Variants in PTPRD observed in about 807,000 individuals in gnomAD.
PTPRD encodes the protein protein tyrosine phosphatase receptor type D, also known as receptor-type tyrosine-protein phosphatase delta.
Under a neutral mutation model 214.5 loss-of-function variants are expected in PTPRD, and 34 were observed. That is an observed-to-expected ratio of 0.16 (90% confidence interval 0.12 to 0.21). The LOEUF (loss-of-function observed/expected upper bound fraction) is 0.21. Among genes scored for constraint, PTPRD ranks in the 10% least tolerant of loss-of-function variants. The pLI is 1.00. For missense variants in PTPRD, 2,545 were observed against 2,398.7 expected (o/e 1.06, Z -1.27); for synonymous variants, 1,128 against 845.7 (o/e 1.33, Z -5.79).
intron 12 of PTPRD, among the ~76,000 whole-genome samples, chr9:8,704,740 A>C (rs1413261910): frequency 6.6e-6 from 1 of 150,924 alleles, no homozygotes; most frequent in African/African-American, 2.4e-5. Flanking sequence ...CAGTCTGGCC[A>C]AATCTCTACT....
rs1250582751 is a variant in PTPRD, at chr9:8,726,589, ATATATATATATAT to A, written c.64+7178_64+7190del. ...TCTACTAAAAAAAAAAAAAAAAAAA[ATATATATATATAT>A]ATATATATATATATATATATATATA... On this transcript the variant is annotated intron_variant, in intron 12 of 45. Coordinates refer to ENST00000381196, the MANE Select transcript of PTPRD (RefSeq NM_002839.4). Among the ~76,000 whole-genome samples, 14 of 12,916 alleles carry A rather than the reference ATATATATATATAT, an allele frequency of 1.1e-3. 3 individuals carry two copies. The highest frequency in any genetic ancestry group is 3.9e-3 in the African/African-American group (10 of 2,554). The allele number at this position is 12,916 out of a possible 152,430, so 8.5% of individuals were successfully genotyped here.
At chr9:8,901,722 G>C (rs567786631) in intron 11 of PTPRD, among the ~76,000 whole-genome samples, 1 of 152,280 alleles carries the variant, frequency 6.6e-6, no homozygotes, top group East Asian at 1.9e-4. Context: ...TACTTGAAAT[G>C]AGTGTAATTG....
Position 10,060,896 on chromosome 9 carries a change from C to CTTT in PTPRD, c.-544-27107_-544-27106insAAA, listed in dbSNP as rs1567407688. 1.8e-3 allele frequency among the ~76,000 whole-genome samples: 145 copies of CTTT among 79,460 alleles called. 1 individual carries two copies. The highest frequency in any genetic ancestry group is 0.013 in the East Asian group (33 of 2,636). 52.1% of individuals were successfully genotyped at this position (79,460 alleles called of 152,430 possible). A position where few individuals can be genotyped will look rare whatever the true frequency, so the allele number is the denominator to read the frequency against. On this transcript the variant is annotated intron_variant, in intron 3 of 45. Coordinates refer to ENST00000381196, the MANE Select transcript of PTPRD (RefSeq NM_002839.4). ...TCCTTCCTTCCTTCCTTCCTTCCTT[C>CTTT]CTTCTTTCTTTCTTTCTTTCTTTCT...
chr9:10,378,389 G>T (rs576494227), intron 2 of PTPRD, among the ~76,000 whole-genome samples: 1 of 152,112 alleles, frequency 6.6e-6, no homozygotes, highest in Admixed American at 6.6e-5. Flanking sequence ...ATTTTGCCCA[G>T]ATCAATGTTC....
At chr9:9,414,371 A>AT (rs2076378020) in intron 8 of PTPRD, among the ~76,000 whole-genome samples, 1 of 152,236 alleles carries the variant, frequency 6.6e-6, no homozygotes, top group South Asian at 2.1e-4. Context: ...AGGATGGAGA[A>AT]TTAAGGTCTT....
intron 2 of PTPRD, among the ~76,000 whole-genome samples, chr9:10,477,527 T>C (rs967306672): frequency 2.0e-5 from 3 of 152,168 alleles, no homozygotes; most frequent in Non-Finnish European, 2.9e-5. Context: ...TTTTACACTG[T>C]TGGCGGGAGA....
At chr9:9,001,663 G>T (rs954785782) in intron 11 of PTPRD, among the ~76,000 whole-genome samples, 10 of 151,882 alleles carry the variant, frequency 6.6e-5, no homozygotes, top group African/African-American at 2.4e-4. Flanking sequence ...GAGGTTTTTT[G>T]GACTACCATT....
At chr9:9,964,392 G>C (rs954621518) in intron 4 of PTPRD, among the ~76,000 whole-genome samples, 1 of 152,178 alleles carries the variant, frequency 6.6e-6, no homozygotes, top group African/African-American at 2.4e-5. Context: ...TCTTAGAAAA[G>C]TTTTGAGAGA....
intron 2 of PTPRD, among the ~76,000 whole-genome samples, chr9:10,597,240 C>A (rs2076834719): frequency 1.3e-5 from 2 of 151,606 alleles, no homozygotes; most frequent in South Asian, 2.1e-4. Context: ...TACTTGGTAC[C>A]AAGACTGCCC....
intron 9 of PTPRD, among the ~76,000 whole-genome samples, chr9:9,381,159 T>G (rs1165738304): frequency 3.3e-5 from 5 of 152,110 alleles, no homozygotes; most frequent in African/African-American, 4.8e-5. Flanking sequence ...TCTTTTAATT[T>G]GTGCACTTAG....
At chr9:9,703,169 C>G (rs916226257) in intron 7 of PTPRD, among the ~76,000 whole-genome samples, 9 of 152,082 alleles carry the variant, frequency 5.9e-5, no homozygotes, top group Admixed American at 3.9e-4. Context: ...ATTTAACAGT[C>G]CCTCCCTCAC....
intron 2 of PTPRD, among the ~76,000 whole-genome samples, chr9:10,361,265 T>C (rs1175094410): frequency 6.6e-6 from 1 of 152,320 alleles, no homozygotes; most frequent in African/African-American, 2.4e-5. Flanking sequence ...TGTTGTGGTA[T>C]CTCATGTCAT....
At chr9:9,950,435 A>G (rs985027803) in intron 4 of PTPRD, among the ~76,000 whole-genome samples, 1 of 96,364 alleles carries the variant, frequency 1.0e-5, no homozygotes, top group Non-Finnish European at 1.8e-5. Context: ...TTTTAAGAAG[A>G]AAGTGGAGGC....
intron 11 of PTPRD, among the ~76,000 whole-genome samples, chr9:8,960,726 C>A (rs1463063197): frequency 9.9e-5 from 15 of 152,054 alleles, no homozygotes; most frequent in Admixed American, 9.9e-4. Flanking sequence ...CTAGCTTAAT[C>A]CTGACATTCA....
chr9:8,825,101 ATATT>A (rs1251749263), intron 11 of PTPRD, among the ~76,000 whole-genome samples: 1 of 152,210 alleles, frequency 6.6e-6, no homozygotes, highest in African/African-American at 2.4e-5. Flanking sequence ...GTACCTTTAA[ATATT>A]TATGAGTTGG....
intron 12 of PTPRD, among the ~76,000 whole-genome samples, chr9:8,695,131 G>A (rs2097883817): frequency 6.6e-6 from 1 of 151,988 alleles, no homozygotes; most frequent in South Asian, 2.1e-4. Flanking sequence ...TTCCTCTCAT[G>A]ATCCCTACAG....
At chr9:10,596,981 C>T (rs1006322244) in intron 2 of PTPRD, among the ~76,000 whole-genome samples, 3 of 151,242 alleles carry the variant, frequency 2.0e-5, no homozygotes, top group African/African-American at 4.8e-5. Context: ...TTTAAAGGAG[C>T]TACTTCCAAC....
At chr9:9,440,786 T>C (rs2087329010) in intron 8 of PTPRD, among the ~76,000 whole-genome samples, 1 of 152,244 alleles carries the variant, frequency 6.6e-6, no homozygotes, top group African/African-American at 2.4e-5. Flanking sequence ...ACAAAATTGT[T>C]TCAATCGCAA....
Position 9,326,007 on chromosome 9 carries a change from G to A in PTPRD, c.-203+71442C>T, listed in dbSNP as rs561520921. Among the ~76,000 whole-genome samples, 20 of 152,174 alleles carry A rather than the reference G, an allele frequency of 1.3e-4. 1 individual carries two copies. In the South Asian group the frequency reaches 4.2e-3, roughly 32 times the overall value. ...CGATGGACTGTGTTTATTGATGTGTGTATGTTGAACCAGCCTTGCATCCCA... is the reference window on the plus strand; with the variant it reads ...CGATGGACTGTGTTTATTGATGTGTATATGTTGAACCAGCCTTGCATCCCA... On this transcript the variant is annotated intron_variant, in intron 9 of 45. Coordinates refer to ENST00000381196, the MANE Select transcript of PTPRD (RefSeq NM_002839.4).
Sources: gnomAD v4.1 joint callset for allele counts (sites outside exome capture counted in the v4.1 genomes callset) on GRCh38, gnomAD v4.1.1 for gene constraint, MANE v1.5 for transcripts, NCBI Gene and HGNC (gene_info 2026-07-23, HGNC 2026-07-21) for gene names.